Variants in STIM1 observed in about 807,000 individuals in gnomAD.
STIM1 encodes stromal interaction molecule 1.
STIM1 carries 25 observed loss-of-function variants against 74.7 expected under a neutral mutation model. That is an observed-to-expected ratio of 0.33 (90% CI 0.24 to 0.47). STIM1 has a LOEUF of 0.47. Among genes scored for constraint, STIM1 ranks in the 20% least tolerant of loss-of-function variants. STIM1 has a pLI of 1.00. For missense variants in STIM1, 728 were observed against 920.8 expected, an observed-to-expected ratio of 0.79 and a Z score of 2.71; for synonymous variants, 328 against 348.8, an observed-to-expected ratio of 0.94 and a Z score of 0.66.
At chr11:3,928,893 C>T (rs1481945142) in intron 1 of STIM1, among the ~76,000 whole-genome samples, 2 of 152,144 alleles carry the variant, frequency 1.3e-5, no homozygotes, top group African/African-American at 4.8e-5. Context: ...TCGAGACAGA[C>T]TCTCACTCAC....
At chr11:3,899,312 CTGTT>C (rs1219018645) in intron 1 of STIM1, among the ~76,000 whole-genome samples, 44 of 152,224 alleles carry the variant, frequency 2.9e-4, no homozygotes, top group African/African-American at 8.4e-4. Context: ...ATTTGGCTCT[CTGTT>C]TGTCTGTTAT....
chr11:4,083,398 C>A lies in STIM1; in HGVS notation c.1374C>A (p.Pro458=), dbSNP rs756710773. ...HSLVAALNID[P]SWMGSTRPNP... ...TGGTGGCTGCCCTCAACATAGACCCCAGCTGGATGGGCAGTACACGCCCCA... is the reference window on the plus strand; with the variant it reads ...TGGTGGCTGCCCTCAACATAGACCCAAGCTGGATGGGCAGTACACGCCCCA... Residue 458 remains proline (P), a synonymous_variant, in exon 10 of 13, where the codon CCC becomes CCA. Transcript: ENST00000526596. 6.2e-7 allele frequency: 1 copy of A among 1,614,266 alleles called. No homozygotes were observed. Among genetic ancestry groups the A allele is most frequent in the South Asian group, 1.1e-5 (1 of 91,090 alleles).
In STIM1 at chr11:4,091,738, C is replaced by T; in HGVS notation, c.2091C>T (p.Asp697=). Residue 697 remains aspartate (D), a synonymous_variant, in exon 13 of 13, where the codon GAC becomes GAT. Coordinates refer to ENST00000526596, the MANE Select transcript of STIM1 (RefSeq NM_001382567.1). ...ATGGCTCTATTGGCGAGGAAACAGA[C>T]TCCAGCCCAGGCCGGAAGAAGTTTC... ...EDNGSIGEET[D]SSPGRKKFPL... 6.2e-7 allele frequency: 1 copy of T among 1,613,494 alleles called. No homozygotes were observed. Among genetic ancestry groups the T allele is most frequent in the Non-Finnish European group, 8.5e-7 (1 of 1,180,034 alleles).
intron 1 of STIM1, among the ~76,000 whole-genome samples, chr11:3,874,255 T>C (rs568232624): frequency 6.6e-6 from 1 of 152,336 alleles, no homozygotes; most frequent in East Asian, 1.9e-4. Context: ...AGCCCTCAAA[T>C]GGCCTTGCTC....
intron 2 of STIM1, among the ~76,000 whole-genome samples, chr11:4,009,617 A>G (rs1458810243): frequency 1.3e-5 from 2 of 151,156 alleles, no homozygotes; most frequent in Non-Finnish European, 2.9e-5. Context: ...TCAAAATAAT[A>G]ATAATAATAA....
chr11:3,894,354 G>C (rs534820177), intron 1 of STIM1, among the ~76,000 whole-genome samples: 69 of 152,286 alleles, frequency 4.5e-4, no homozygotes, highest in Middle Eastern at 6.8e-3. Flanking sequence ...TTGGTGGACT[G>C]TCTTACCCTA....
chr11:4,084,778 C>G lies in STIM1; in HGVS notation c.1567+13C>G. 3 of 1,289,234 alleles carry G rather than the reference C, an allele frequency of 2.3e-6. No individual in the cohort carries two copies. Among genetic ancestry groups the G allele is most frequent in the Non-Finnish European group, 3.0e-6 (3 of 988,810 alleles). 79.9% of individuals were successfully genotyped at this position (1,289,234 alleles called of 1,614,324 possible). ...TGGAAATACCCCGGTTTGAGGAGCC[C>G]CTTTGGGGCATTTTGTTTTTCTGAC... On this transcript the variant is annotated intron_variant, in intron 11 of 12. Transcript: ENST00000526596.
intron 1 of STIM1, among the ~76,000 whole-genome samples, chr11:3,894,544 A>G (rs1317313166): frequency 6.6e-6 from 1 of 152,058 alleles, no homozygotes; most frequent in African/African-American, 2.4e-5. Flanking sequence ...CCTTTTCCTT[A>G]CCCCTTATTC....
rs2090360542 is a variant in STIM1 at position 3,856,190 on chromosome 11, G to T, written c.-81G>T. Reference sequence around the variant, plus strand: ...AGGGCATCTTGCCTGGAGACCGTCGGCTGCACTCCCGGGCTCCTGGCTTTG... The same window carrying T: ...AGGGCATCTTGCCTGGAGACCGTCGTCTGCACTCCCGGGCTCCTGGCTTTG... On this transcript the variant is annotated 5_prime_UTR_variant, in exon 1 of 13. Transcript: ENST00000526596. 1.3e-6 allele frequency: 2 copies of T among 1,593,742 alleles called. No individual in the cohort carries two copies. The highest frequency in any genetic ancestry group is 2.7e-5 in the African/African-American group (2 of 74,594).
chr11:3,929,501 A>G (rs1284824528), intron 1 of STIM1, among the ~76,000 whole-genome samples: 1 of 152,134 alleles, frequency 6.6e-6, no homozygotes, highest in Non-Finnish European at 1.5e-5. Flanking sequence ...AGGGTAGTAC[A>G]CCTGGGATCC....
chr11:3,925,787 C>T (rs1407068281), intron 1 of STIM1, among the ~76,000 whole-genome samples: 1 of 152,082 alleles, frequency 6.6e-6, no homozygotes, highest in African/African-American at 2.4e-5. Flanking sequence ...ACTACAGTGG[C>T]AGAGTTAATT....
At chr11:3,898,539 T>G (rs2092256786) in intron 1 of STIM1, among the ~76,000 whole-genome samples, 1 of 142,090 alleles carries the variant, frequency 7.0e-6, no homozygotes, top group South Asian at 2.3e-4. Context: ...ATTTGTCAAT[T>G]TTGGCTTTTG....
intron 1 of STIM1, among the ~76,000 whole-genome samples, chr11:3,925,927 A>G (rs2092782733): frequency 1.3e-5 from 2 of 152,198 alleles, no homozygotes; most frequent in Admixed American, 6.5e-5. Flanking sequence ...AAATCCATAC[A>G]GTATTCTAAG....
intron 1 of STIM1, chr11:3,892,260 A>C (rs1301028254): frequency 3.2e-6 from 2 of 627,614 alleles, no homozygotes; most frequent in Non-Finnish European, 5.6e-6. Flanking sequence ...CAGAGAAAAC[A>C]TGGAGCCCAA....
rs1439841622 is a variant in STIM1 at position 3,967,687 on chromosome 11, G to A, written c.270+5G>A. On this transcript the variant is annotated splice_donor_5th_base_variant and intron_variant, in intron 2 of 12. Coordinates refer to ENST00000526596, the MANE Select transcript of STIM1 (RefSeq NM_001382567.1). ...GATGTGGAAGAAAGTGATGAGGTGA[G>A]CTCTCCCATCCTGCTATGTCTCTCT... The A allele has an allele frequency of 1.2e-6, 2 of 1,614,154 alleles. No homozygotes were observed. Among genetic ancestry groups the A allele is most frequent in the South Asian group, 2.2e-5 (2 of 91,086 alleles).
intron 2 of STIM1, among the ~76,000 whole-genome samples, chr11:4,019,538 C>T (rs2959061): frequency 6.6e-6 from 1 of 151,598 alleles, no homozygotes; most frequent in African/African-American, 2.4e-5. Context: ...AGCTCGGTAC[C>T]GTGGTGCACA....
intron 3 of STIM1, among the ~76,000 whole-genome samples, chr11:4,029,037 A>C (rs1463470698): frequency 6.6e-6 from 1 of 151,876 alleles, no homozygotes; most frequent in African/African-American, 2.4e-5. Flanking sequence ...AATACAAAAA[A>C]ATTAGCCAGG....
intron 2 of STIM1, among the ~76,000 whole-genome samples, chr11:4,011,256 A>G (rs1378862260): frequency 1.3e-5 from 2 of 152,206 alleles, no homozygotes; most frequent in East Asian, 3.9e-4. Context: ...GCTGGGTCAA[A>G]TGGTATTTCT....
intron 1 of STIM1, among the ~76,000 whole-genome samples, chr11:3,941,299 T>A (rs968115987): frequency 6.6e-6 from 1 of 152,122 alleles, no homozygotes; most frequent in South Asian, 2.1e-4. Context: ...ATGAAAGTGG[T>A]AAGCAAGGTG....
Sources: allele counts gnomAD v4.1 joint callset (sites outside exome capture counted in the v4.1 genomes callset), GRCh38; gene constraint gnomAD v4.1.1; transcripts MANE v1.5; gene names NCBI Gene and HGNC (gene_info 2026-07-23, HGNC 2026-07-21).